CCDC158: variants seen among roughly 807,000 people sequenced by gnomAD.
CCDC158 encodes coiled-coil domain containing 158.
A neutral mutation model predicts 138.6 loss-of-function variants in CCDC158; 116 were observed. The observed-to-expected ratio is 0.84, with a 90% CI of 0.72 to 0.98. The LOEUF (loss-of-function observed/expected upper bound fraction) is 0.98. Among genes scored for constraint, CCDC158 ranks in the 50% least tolerant of loss-of-function variants. The probability of loss-of-function intolerance (pLI) is 0.00; values close to 1 mark genes in which losing one functional copy is unlikely to be tolerated. For missense variants in CCDC158, 1,265 were observed against 1,306.1 expected, an observed-to-expected ratio of 0.97 and a Z score of 0.48; for synonymous variants, 436 against 442.4, an observed-to-expected ratio of 0.99 and a Z score of 0.18.
intron 19 of CCDC158, among the ~76,000 whole-genome samples, chr4:76,332,935 AG>A (rs1721130610): frequency 6.6e-6 from 1 of 152,136 alleles, no homozygotes; most frequent in East Asian, 1.9e-4. Flanking sequence ...GCTTCATAGG[AG>A]GAGGCATGTC....
At chr4:76,318,891 A>G (rs1358123615) in intron 24 of CCDC158, among the ~76,000 whole-genome samples, 1 of 152,186 alleles carries the variant, frequency 6.6e-6, no homozygotes, top group Admixed American at 6.5e-5. Flanking sequence ...GCACTTTGGG[A>G]GGCCAAGGTG....
chr4:76,378,146 A>G (rs1157571316), intron 9 of CCDC158, among the ~76,000 whole-genome samples: 3 of 152,124 alleles, frequency 2.0e-5, no homozygotes, highest in African/African-American at 7.2e-5. Flanking sequence ...ATAAATGTTG[A>G]GGTATCTTAT....
At chr4:76,333,429 G>A (rs1397905144) in intron 19 of CCDC158, among the ~76,000 whole-genome samples, 1 of 152,180 alleles carries the variant, frequency 6.6e-6, no homozygotes, top group Non-Finnish European at 1.5e-5. Context: ...AAGAATAGGA[G>A]ACTCCCATTG....
Position 76,351,118 on chromosome 4 carries a change from G to A in CCDC158, c.2542C>T (p.Leu848Phe). Residue 848 changes from leucine (L) to phenylalanine (F), a missense_variant, in exon 18 of 25, where the codon CTT becomes TTT. Physicochemically the swap from Leu to Phe is conservative, Grantham distance 22. Transcript: ENST00000682701. ...TTTGAGGTGTATCCAGGGCCCTGAA[G>A]TTCCTGGAAAACAATATAGAGGTAA... ...KLQHTLDIKELQGPGYTSNSS... is the reference protein window; with the variant it reads ...KLQHTLDIKEFQGPGYTSNSS... 1 of 1,612,092 alleles carries A rather than the reference G, an allele frequency of 6.2e-7. No individual in the cohort carries two copies. Among genetic ancestry groups the A allele is most frequent in the African/African-American group, 1.3e-5 (1 of 74,966 alleles).
intron 1 of CCDC158, among the ~76,000 whole-genome samples, chr4:76,413,496 A>G (rs1729459179): frequency 6.6e-6 from 1 of 151,962 alleles, no homozygotes; most frequent in African/African-American, 2.4e-5. Context: ...AAAAAAGGAA[A>G]AGAAAAAAAT....
At position 76,317,952 on chromosome 4, in the gene CCDC158, C is replaced by T. The variant is rs191971664; in HGVS notation, c.3278-4706G>A. On this transcript the variant is annotated intron_variant, in intron 24 of 24. Coordinates refer to ENST00000682701, the MANE Select transcript of CCDC158 (RefSeq NM_001394954.1). ...TCAAGATGAAAATTTAAAAATTCTTCGAACTGAATGAAACTAGTGACACAA... is the reference window on the plus strand; with the variant it reads ...TCAAGATGAAAATTTAAAAATTCTTTGAACTGAATGAAACTAGTGACACAA... 4.1e-3 allele frequency among the ~76,000 whole-genome samples: 621 copies of T among 152,156 alleles called. 4 individuals carry two copies. Among genetic ancestry groups the T allele is most frequent in the African/African-American group, 0.014 (585 of 41,542 alleles).
chr4:76,340,840 C>T (rs555339656), intron 18 of CCDC158, among the ~76,000 whole-genome samples: 1 of 152,284 alleles, frequency 6.6e-6, no homozygotes, highest in Non-Finnish European at 1.5e-5. Flanking sequence ...CACCCCCCGC[C>T]TCAACCTGTT....
rs1435522320 is a variant in CCDC158, at chr4:76,396,458, A to G, written c.99T>C (p.Ser33=). The change falls in exon 4 of 25, where the codon TCT becomes TCC. Residue 33 remains serine, a synonymous_variant. Transcript: ENST00000682701. ...GGSSSSFFVS[S]IRGTIIENTS... is the part of the protein sequence containing the mutation. ...TGTTTTCAATTATTGTACCACGAAT[A>G]GATGACACAAAAAATGAACTTGAAG... The G allele has an allele frequency of 2.5e-6, 4 of 1,608,314 alleles. No individual in the cohort carries two copies. Among genetic ancestry groups the G allele is most frequent in the Non-Finnish European group, 3.4e-6 (4 of 1,178,542 alleles).
In CCDC158 at chr4:76,345,354, G is replaced by T. The variant is rs1028308064; in HGVS notation, c.2664+5642C>A. ...TTATGAGAACTCAAACAAAGCTCTG[G>T]ATAAGGCCCGGTTAAAGAGCAAAGA... On this transcript the variant is annotated intron_variant, in intron 18 of 24. Coordinates refer to ENST00000682701, the MANE Select transcript of CCDC158 (RefSeq NM_001394954.1). 8 of 1,111,392 alleles carry T rather than the reference G, an allele frequency of 7.2e-6. No individual in the cohort carries two copies. The Admixed American group carries it at 1.0e-4, about 14-fold the overall frequency. The allele number at this position is 1,111,392 out of a possible 1,614,324, so 68.8% of individuals were successfully genotyped here.
chr4:76,377,497 C>T (rs866822936), intron 9 of CCDC158, among the ~76,000 whole-genome samples: 2 of 152,178 alleles, frequency 1.3e-5, no homozygotes, highest in Admixed American at 1.3e-4. Flanking sequence ...AAAAAGCACC[C>T]TCCCACCTCA....
rs150647494 is a variant in CCDC158 at position 76,326,031 on chromosome 4, A to G, written c.3011-16T>C. The G allele has an allele frequency of 1.2e-4, 188 of 1,600,074 alleles. No individual in the cohort carries two copies. The African/African-American group carries it at 2.2e-3, about 19-fold the overall frequency. On this transcript the variant is annotated splice_polypyrimidine_tract_variant and intron_variant, in intron 22 of 24. Coordinates refer to ENST00000682701, the MANE Select transcript of CCDC158 (RefSeq NM_001394954.1). ...GATGGACTTGCTAAAAGTTTGCAAG[A>G]ATAAAAGTAAAAGGACAGAATTAAT...
At chr4:76,397,483 A>G (rs1389192429) in intron 3 of CCDC158, among the ~76,000 whole-genome samples, 1 of 152,232 alleles carries the variant, frequency 6.6e-6, no homozygotes, top group Non-Finnish European at 1.5e-5. Flanking sequence ...TCACAGAGAA[A>G]AGAAGATTGT....
chr4:76,357,634 G>T lies in CCDC158; in HGVS notation c.2021-108C>A, dbSNP rs1014622085. 19 of 704,074 alleles carry T rather than the reference G, an allele frequency of 2.7e-5. No homozygotes were observed. In the African/African-American group the frequency reaches 2.8e-4, roughly 10 times the overall value. 43.6% of individuals were successfully genotyped at this position (704,074 alleles called of 1,614,324 possible). On this transcript the variant is annotated intron_variant, in intron 13 of 24. Coordinates refer to ENST00000682701, the MANE Select transcript of CCDC158 (RefSeq NM_001394954.1). ...ATCACAGAATTTTAGAACTGGAAGA[G>T]AAGTCATTTAATTACATCTTCCTTT...
chr4:76,356,552 G>A (rs1452100131), intron 14 of CCDC158: 1 of 152,120 alleles, frequency 6.6e-6, no homozygotes, highest in African/African-American at 2.4e-5. Context: ...GACCTCTCGA[G>A]TGACTTCTCC....
chr4:76,367,802 C>T, intron 11 of CCDC158, 26 bp from the exon 12 acceptor site: 1 of 1,576,812 alleles, frequency 6.3e-7, no homozygotes, highest in Non-Finnish European at 8.6e-7. Context: ...AAGAGAATTT[C>T]ATAGATTTGG....
intron 24 of CCDC158, among the ~76,000 whole-genome samples, chr4:76,313,915 G>A (rs1206670685): frequency 6.6e-6 from 1 of 152,126 alleles, no homozygotes; most frequent in East Asian, 1.9e-4. Flanking sequence ...GTATTTACTA[G>A]TATTTCATTA....
intron 4 of CCDC158, among the ~76,000 whole-genome samples, chr4:76,390,955 C>T (rs969466606): frequency 1.8e-4 from 28 of 152,048 alleles, no homozygotes; most frequent in African/African-American, 6.0e-4. Flanking sequence ...ACCTATGGAG[C>T]CATGACTGCA....
In CCDC158 at chr4:76,350,512, T is replaced by C. The variant is rs1463966273; in HGVS notation, c.2664+484A>G. Among the ~76,000 whole-genome samples the C allele has an allele frequency of 2.0e-5, 3 of 152,190 alleles. No homozygotes were observed. The East Asian group carries it at 5.8e-4, about 29-fold the overall frequency. ...ACAAACTTGAATTTTACATTGCACATATTTTTTTTCTGAGCATTAAAAATA... is the reference window on the plus strand; with the variant it reads ...ACAAACTTGAATTTTACATTGCACACATTTTTTTTCTGAGCATTAAAAATA... On this transcript the variant is annotated intron_variant, in intron 18 of 24. Coordinates refer to ENST00000682701, the MANE Select transcript of CCDC158 (RefSeq NM_001394954.1).
chr4:76,350,898 T>C (rs1381306523), intron 18 of CCDC158, 98 bp downstream of exon 18: 7 of 1,077,524 alleles, frequency 6.5e-6, no homozygotes, highest in African/African-American at 1.6e-5. Context: ...GAAAATGCTA[T>C]GGATATAGAG....
Sources: gnomAD v4.1 joint callset for allele counts (sites outside exome capture counted in the v4.1 genomes callset) on GRCh38, gnomAD v4.1.1 for gene constraint, MANE v1.5 for transcripts, NCBI Gene and HGNC (gene_info 2026-07-23, HGNC 2026-07-21) for gene names.